Variants in TMEM245 observed in about 807,000 individuals in gnomAD.
TMEM245 encodes the protein protein CG-2.
In TMEM245, 69 loss-of-function variants were observed where a neutral mutation model predicts 101.2. That is an observed-to-expected ratio of 0.68 (90% CI 0.56 to 0.83). The LOEUF (loss-of-function observed/expected upper bound fraction) is 0.83. Among genes scored for constraint, TMEM245 ranks in the 40% least tolerant of loss-of-function variants. The pLI is 0.00. For synonymous variants in TMEM245, 537 were observed against 449.8 expected (o/e 1.19, Z -2.45); for missense variants, 1,075 against 1,092.8 (o/e 0.98, Z 0.23).
intron 1 of TMEM245, among the ~76,000 whole-genome samples, chr9:109,115,522 CTTT>C (rs752894720): frequency 4.5e-5 from 3 of 67,192 alleles, no homozygotes; most frequent in African/African-American, 6.2e-5. Context: ...TAACTGGAAT[CTTT>C]TTTTTTTTTT....
chr9:109,023,038 G>A (rs1006951719), intron 17 of TMEM245, among the ~76,000 whole-genome samples: 1 of 152,198 alleles, frequency 6.6e-6, no homozygotes, highest in Non-Finnish European at 1.5e-5. Flanking sequence ...CTGTAACCTT[G>A]AAATTCCTAA....
chr9:109,040,281 A>G (rs1828263423), intron 14 of TMEM245, among the ~76,000 whole-genome samples: 1 of 152,236 alleles, frequency 6.6e-6, no homozygotes, highest in African/African-American at 2.4e-5. Context: ...AATTTACCAG[A>G]AAACAGAATT....
intron 2 of TMEM245, among the ~76,000 whole-genome samples, chr9:109,107,362 G>A (rs1830456123): frequency 1.3e-5 from 2 of 148,834 alleles, no homozygotes; most frequent in Admixed American, 1.3e-4. Context: ...TCACACCACT[G>A]CACTCCAGCC....
chr9:109,039,521 C>T (rs1487084713), intron 14 of TMEM245, among the ~76,000 whole-genome samples: 3 of 151,910 alleles, frequency 2.0e-5, no homozygotes, highest in Admixed American at 2.0e-4. Flanking sequence ...GTATGGGCAA[C>T]AGGAACTCAA....
In TMEM245 at chr9:109,119,849, CG is replaced by C; in HGVS notation, c.64del (p.Arg22GlyfsTer80). 1 of 1,330,844 alleles carries C rather than the reference CG, an allele frequency of 7.5e-7. No homozygotes were observed. Among genetic ancestry groups the C allele is most frequent in the South Asian group, 2.1e-5 (1 of 46,660 alleles). 82.4% of individuals were successfully genotyped at this position (1,330,844 alleles called of 1,614,324 possible). On this transcript the variant is annotated frameshift_variant, in exon 1 of 18. Coordinates refer to ENST00000374586, the MANE Select transcript of TMEM245 (RefSeq NM_032012.4). LOFTEE classifies it high-confidence loss of function. ...ACTCGGCCCGACCGCGCGCGGGACC[CG>C]CGGCGCCGGCCCGGGAGAGCTCCGC... Reference protein sequence around the residue: ...SLRSSPGPAPRVPRAVGPSGG... With the variant: ...SLRSSPGPAPXVPRAVGPSGG...
chr9:109,054,453 C>T (rs1828776398), intron 12 of TMEM245, among the ~76,000 whole-genome samples: 1 of 151,882 alleles, frequency 6.6e-6, no homozygotes, highest in African/African-American at 2.4e-5. Flanking sequence ...ACTAAAGTGT[C>T]AAAAATTGAA....
intron 9 of TMEM245, among the ~76,000 whole-genome samples, chr9:109,072,091 G>C (rs529973527): frequency 2.4e-4 from 37 of 152,168 alleles, no homozygotes; most frequent in Non-Finnish European, 4.9e-4. Context: ...AAGGGCTTGT[G>C]GGGTGCCTGT....
chr9:109,085,169 A>C (rs1368409966), intron 7 of TMEM245, among the ~76,000 whole-genome samples: 1 of 152,190 alleles, frequency 6.6e-6, no homozygotes, highest in Non-Finnish European at 1.5e-5. Flanking sequence ...GCAATGGTGC[A>C]ATTATTGCTC....
In TMEM245 at chr9:109,087,130, T is replaced by TATTA. The variant is rs757251499; in HGVS notation, c.1320+39_1320+42dup. 118 of 1,536,338 alleles carry TATTA rather than the reference T, an allele frequency of 7.7e-5. 1 individual carries two copies. In the African/African-American group the frequency reaches 1.5e-3, roughly 19 times the overall value. ...ATGGAAAAGTTCAAACCACGAAATATATTAACTCCATTAAGACAGCCCAAG... is the reference window on the plus strand; with the variant it reads ...ATGGAAAAGTTCAAACCACGAAATATATTAATTAACTCCATTAAGACAGCCCAAG... On this transcript the variant is annotated intron_variant, in intron 6 of 17. Coordinates refer to ENST00000374586, the MANE Select transcript of TMEM245 (RefSeq NM_032012.4).
chr9:109,029,699 A>G (rs1827892001), intron 17 of TMEM245, among the ~76,000 whole-genome samples: 1 of 152,228 alleles, frequency 6.6e-6, no homozygotes, highest in African/African-American at 2.4e-5. Flanking sequence ...AAGGATTCCA[A>G]TGCAAGGGAG....
At chr9:109,087,485 G>A in intron 5 of TMEM245, 143 bp from the exon 6 acceptor site, 1 of 828,254 alleles carries the variant, frequency 1.2e-6, no homozygotes, top group Admixed American at 3.3e-5. Flanking sequence ...AGCAGGGTGG[G>A]ACTCAAAGTA....
chr9:109,046,346 T>A, intron 14 of TMEM245: 1 of 526,170 alleles, frequency 1.9e-6, no homozygotes, highest in Non-Finnish European at 3.9e-6. Context: ...GTGTGATGTA[T>A]ACATTCAGGA....
intron 9 of TMEM245, 31 bp from the exon 10 acceptor site, chr9:109,064,598 A>C (rs1453151515): frequency 6.3e-7 from 1 of 1,591,634 alleles, no homozygotes; most frequent in Non-Finnish European, 8.6e-7. Context: ...AAATGAAAAA[A>C]GTACACTTTC....
intron 14 of TMEM245, chr9:109,046,218 T>G (rs944977494): frequency 1.9e-6 from 1 of 534,404 alleles, no homozygotes; most frequent in Non-Finnish European, 3.8e-6. Context: ...CCCGTGTGCA[T>G]GCACTCATGT....
intron 12 of TMEM245, among the ~76,000 whole-genome samples, chr9:109,056,439 G>GAAA (rs1828838452): frequency 3.3e-5 from 1 of 30,152 alleles, no homozygotes; most frequent in African/African-American, 2.4e-4. Context: ...TACTAAAAAT[G>GAAA]CAAAAAAAAA....
At chr9:109,024,296 T>C (rs1357092253) in intron 17 of TMEM245, among the ~76,000 whole-genome samples, 3 of 152,208 alleles carry the variant, frequency 2.0e-5, no homozygotes, top group African/African-American at 4.8e-5. Context: ...TCCAACAAAT[T>C]TGGAATAAAG....
Position 109,019,886 on chromosome 9 carries a change from A to C in TMEM245, c.*574T>G, listed in dbSNP as rs1339713690. 6.6e-6 allele frequency: 1 copy of C among 152,258 alleles called. No homozygotes were observed. Among genetic ancestry groups the C allele is most frequent in the African/African-American group, 2.4e-5 (1 of 41,442 alleles). 9.4% of individuals were successfully genotyped at this position (152,258 alleles called of 1,614,324 possible). A position where few individuals can be genotyped will look rare whatever the true frequency, so the allele number is the denominator to read the frequency against. ...GGGTTATAATATAAAACTGAACATC[A>C]AATAAGCCACCCCACCCTTATACTT... On this transcript the variant is annotated 3_prime_UTR_variant, in exon 18 of 18. Transcript: ENST00000374586.
chr9:109,115,591 C>T (rs1041613072), intron 1 of TMEM245, among the ~76,000 whole-genome samples: 3 of 132,070 alleles, frequency 2.3e-5, no homozygotes, highest in Admixed American at 8.5e-5. Flanking sequence ...AGTGCAATGG[C>T]GCGACCTGGG....
intron 3 of TMEM245, among the ~76,000 whole-genome samples, chr9:109,101,974 CAATT>C (rs1830292643): frequency 6.6e-6 from 1 of 151,956 alleles, no homozygotes; most frequent in South Asian, 2.1e-4. Flanking sequence ...ATTCTTATAA[CAATT>C]ACTTACTTGG....
Sources: gnomAD v4.1 joint callset for allele counts (sites outside exome capture counted in the v4.1 genomes callset) on GRCh38, gnomAD v4.1.1 for gene constraint, MANE v1.5 for transcripts, NCBI Gene and HGNC (gene_info 2026-07-23, HGNC 2026-07-21) for gene names.